Variants in SLAIN1 observed in about 807,000 individuals in gnomAD.
The protein encoded by SLAIN1 is SLAIN motif-containing protein 1.
Under a neutral mutation model 55.4 loss-of-function variants are expected in SLAIN1, and 17 were observed. The ratio of observed to expected loss-of-function variants is 0.31; its 90% CI spans 0.21 to 0.46. The LOEUF is 0.46. Ranked by LOEUF, SLAIN1 falls within the 20% of genes least tolerant of loss-of-function variation. The pLI is 1.00. For synonymous variants in SLAIN1, 348 were observed against 337.4 expected (o/e 1.03, Z -0.35); for missense variants, 682 against 785.1 (o/e 0.87, Z 1.57).
chr13:77,710,182 A>G (rs1012031043), intron 1 of SLAIN1, among the ~76,000 whole-genome samples: 17 of 152,198 alleles, frequency 1.1e-4, no homozygotes, highest in African/African-American at 3.6e-4. Flanking sequence ...AATGGGCAAA[A>G]TAACCAGCTG....
At chr13:77,709,502 A>C (rs1004136458) in intron 1 of SLAIN1, among the ~76,000 whole-genome samples, 4 of 152,192 alleles carry the variant, frequency 2.6e-5, no homozygotes, top group Admixed American at 2.0e-4. Context: ...AGTTAAGAGC[A>C]GCCAAAGAGG....
intron 2 of SLAIN1, among the ~76,000 whole-genome samples, chr13:77,744,013 G>A (rs1323637866): frequency 6.6e-6 from 1 of 151,872 alleles, no homozygotes; most frequent in African/African-American, 2.4e-5. Context: ...AAAATATAAT[G>A]TGAAATCTAC....
At position 77,729,054 on chromosome 13, in the gene SLAIN1, A is replaced by C. The variant is rs146541042; in HGVS notation, c.766+9383A>C. Reference sequence around the variant, plus strand: ...GAAAATGCATTGTCATAGCTGTGGGATTTCATCACATCTTTATGTTGCTTT... The same window carrying C: ...GAAAATGCATTGTCATAGCTGTGGGCTTTCATCACATCTTTATGTTGCTTT... On this transcript the variant is annotated intron_variant, in intron 2 of 6. Coordinates refer to ENST00000418532, the MANE Select transcript of SLAIN1 (RefSeq NM_001242868.2). 2.6e-5 allele frequency among the ~76,000 whole-genome samples: 4 copies of C among 152,276 alleles called. No homozygotes were observed. The East Asian group carries it at 7.7e-4, about 29-fold the overall frequency.
chr13:77,706,902 CTG>C (rs1232387094), intron 1 of SLAIN1, among the ~76,000 whole-genome samples: 1 of 152,136 alleles, frequency 6.6e-6, no homozygotes, highest in Non-Finnish European at 1.5e-5. Flanking sequence ...GTTGAGTGCA[CTG>C]TGTTTGGATA....
chr13:77,728,454 G>A (rs2091328013), intron 2 of SLAIN1, among the ~76,000 whole-genome samples: 1 of 152,158 alleles, frequency 6.6e-6, no homozygotes, highest in Admixed American at 6.5e-5. Context: ...TCACATTTGA[G>A]CAGAGTAGGT....
At chr13:77,738,091 C>A (rs1873216708) in intron 2 of SLAIN1, among the ~76,000 whole-genome samples, 1 of 151,754 alleles carries the variant, frequency 6.6e-6, no homozygotes, top group African/African-American at 2.4e-5. Context: ...TGGAGACTGA[C>A]CTTTGAAGTT....
At chr13:77,738,140 C>T (rs1279825676) in intron 2 of SLAIN1, among the ~76,000 whole-genome samples, 1 of 151,802 alleles carries the variant, frequency 6.6e-6, no homozygotes, top group Admixed American at 6.6e-5. Context: ...AAAGGAATGA[C>T]TCTAGATGTT....
Position 77,698,066 on chromosome 13 carries a change from C to G in SLAIN1, c.153C>G (p.Ala51=). The G allele has an allele frequency of 1.5e-6, 2 of 1,337,550 alleles. No homozygotes were observed. The highest frequency in any genetic ancestry group is 1.9e-6 in the Non-Finnish European group (2 of 1,027,282). 82.9% of individuals were successfully genotyped at this position (1,337,550 alleles called of 1,614,324 possible). A position where few individuals can be genotyped will look rare whatever the true frequency, so the allele number is the denominator to read the frequency against. Residue 51 remains alanine, a synonymous_variant, in exon 1 of 7, where the codon GCC becomes GCG. Transcript: ENST00000418532. The surrounding 1 kb of genome is among the most constrained non-coding windows in gnomAD (Gnocchi z 4.1). ...ACGAGCAGCTGCGGAGTCGAGCGGC[C>G]AGCGCGGCCGCCGCCCCGCACCTGC... is the stretch of plus-strand genomic sequence containing the variant. The part of the protein sequence containing the change: ...KQNEQLRSRA[A]SAAAAPHLLL...
At chr13:77,724,304 C>A (rs1048677279) in intron 2 of SLAIN1, among the ~76,000 whole-genome samples, 2 of 152,128 alleles carry the variant, frequency 1.3e-5, no homozygotes, top group Non-Finnish European at 2.9e-5. Flanking sequence ...AAACTCCCTA[C>A]CCTCTGTGGT....
At chr13:77,709,148 C>T (rs1003945837) in intron 1 of SLAIN1, among the ~76,000 whole-genome samples, 3 of 151,342 alleles carry the variant, frequency 2.0e-5, no homozygotes, top group Non-Finnish European at 4.4e-5. Context: ...ATCAATCAAG[C>T]AGAAGAAGGT....
intron 5 of SLAIN1, among the ~76,000 whole-genome samples, chr13:77,755,988 T>A (rs1301257229): frequency 6.6e-6 from 1 of 152,160 alleles, no homozygotes; most frequent in Non-Finnish European, 1.5e-5. Flanking sequence ...AGAGGTAGGA[T>A]AGAGAGTTGG....
chr13:77,753,939 A>G (rs1874419379), intron 5 of SLAIN1, among the ~76,000 whole-genome samples: 1 of 152,060 alleles, frequency 6.6e-6, no homozygotes, highest in Non-Finnish European at 1.5e-5. Context: ...TCTATGTTTT[A>G]CCCAGCAGTG....
intron 2 of SLAIN1, among the ~76,000 whole-genome samples, chr13:77,731,787 C>G (rs1177880689): frequency 6.6e-6 from 1 of 152,028 alleles, no homozygotes; most frequent in African/African-American, 2.4e-5. Context: ...GGAGAAGGTG[C>G]ATATATACTA....
At chr13:77,722,567 A>G (rs916577969) in intron 2 of SLAIN1, among the ~76,000 whole-genome samples, 2 of 152,066 alleles carry the variant, frequency 1.3e-5, no homozygotes, top group African/African-American at 4.8e-5. Context: ...TTCATTTTAA[A>G]CATTATCCAT....
chr13:77,736,912 C>T (rs771303921), intron 2 of SLAIN1, among the ~76,000 whole-genome samples: 1 of 151,828 alleles, frequency 6.6e-6, no homozygotes, highest in Non-Finnish European at 1.5e-5. Context: ...TTGTTCCTTC[C>T]AGTCCCTTCT....
intron 2 of SLAIN1, among the ~76,000 whole-genome samples, chr13:77,738,514 A>G (rs1873250943): frequency 6.6e-6 from 1 of 152,082 alleles, no homozygotes; most frequent in Non-Finnish European, 1.5e-5. Context: ...TATTAAGCCT[A>G]GCTATTAAGC....
chr13:77,715,020 A>T lies in SLAIN1; in HGVS notation c.627-4512A>T, dbSNP rs542006824. The stretch of plus-strand genomic sequence containing the variant: ...GTAGCTGGGATTACAGGTGCATGCC[A>T]CCACATGCAGCTAATTTTCGTATTT... On this transcript the variant is annotated intron_variant, in intron 1 of 6. Transcript: ENST00000418532. 2.8e-4 allele frequency among the ~76,000 whole-genome samples: 42 copies of T among 152,198 alleles called. 1 individual carries two copies. In the South Asian group the frequency reaches 8.5e-3, roughly 31 times the overall value.
chr13:77,718,031 G>A (rs901386481), intron 1 of SLAIN1, among the ~76,000 whole-genome samples: 1 of 151,862 alleles, frequency 6.6e-6, no homozygotes. Context: ...CTGAGCTGGG[G>A]CCCAAGAATA....
At chr13:77,761,135 T>A in intron 6 of SLAIN1, 25 bp downstream of exon 6, 1 of 1,609,502 alleles carries the variant, frequency 6.2e-7, no homozygotes. Flanking sequence ...TTGCGTAACT[T>A]CATTTGCAGT....
Sources: allele counts gnomAD v4.1 joint callset (sites outside exome capture counted in the v4.1 genomes callset), GRCh38; gene constraint gnomAD v4.1.1; non-coding constraint Gnocchi (gnomAD v3.1); transcripts MANE v1.5; gene names NCBI Gene and HGNC (gene_info 2026-07-23, HGNC 2026-07-21).